A2M: variants seen among roughly 807,000 people sequenced by gnomAD.
A2M encodes the protein alpha-2-macroglobulin.
A neutral mutation model predicts 183.9 loss-of-function variants in A2M; 128 were observed. The observed-to-expected ratio is 0.70, with a 90% CI of 0.60 to 0.81. A2M has a LOEUF of 0.81. Among genes scored for constraint, A2M ranks in the 30% least tolerant of loss-of-function variants. The probability of loss-of-function intolerance (pLI) is 0.00; values close to 1 mark genes in which losing one functional copy is unlikely to be tolerated. For missense variants in A2M, 1,495 were observed against 1,787.6 expected (o/e 0.84, Z 2.95); for synonymous variants, 592 against 670.8 (o/e 0.88, Z 1.81).
chr12:9,089,808 C>T, intron 21 of A2M, 94 bp downstream of exon 21: 4 of 883,708 alleles, frequency 4.5e-6, no homozygotes, highest in Non-Finnish European at 3.2e-6. Flanking sequence ...CAGAGAGATA[C>T]ATGAGAATAA....
chr12:9,101,467 T>G lies in A2M; in HGVS notation c.1474A>C (p.Lys492Gln). 3 of 1,613,708 alleles carry G rather than the reference T, an allele frequency of 1.9e-6. No homozygotes were observed. The highest frequency in any genetic ancestry group is 2.5e-6 in the Non-Finnish European group (3 of 1,179,750). ...CTCACCAGATAATAGAAGGAGAGCT[T>G]CTTCAGCCCCAGCAGGGTGCCTCCA... ...LNGGTLLGLK[K>Q]LSFYYLIMAK... Residue 492 changes from lysine (K) to glutamine (Q), a missense_variant, in exon 12 of 36, where the codon AAG (lysine) becomes CAG (glutamine). Coordinates refer to ENST00000318602, the MANE Select transcript of A2M (RefSeq NM_000014.6).
chr12:9,085,492 A>G (rs941993508), intron 22 of A2M, among the ~76,000 whole-genome samples: 1 of 152,100 alleles, frequency 6.6e-6, no homozygotes, highest in Non-Finnish European at 1.5e-5. Context: ...GCATAACAAA[A>G]CATAGCATAA....
At chr12:9,113,590 A>G in intron 1 of A2M, 47 bp from the exon 2 acceptor site, 14 of 1,567,058 alleles carry the variant, frequency 8.9e-6, no homozygotes, top group Non-Finnish European at 1.2e-5. Context: ...GAAGAGAGGC[A>G]TTGCTATCAA....
chr12:9,109,175 G>C (rs1247215907), intron 7 of A2M, 146 bp downstream of exon 7: 2 of 613,462 alleles, frequency 3.3e-6, no homozygotes, highest in Non-Finnish European at 5.8e-6. Context: ...AGCAACAGGA[G>C]AATAACATTC....
intron 22 of A2M, among the ~76,000 whole-genome samples, chr12:9,088,458 T>G (rs1949112523): frequency 6.6e-6 from 1 of 152,056 alleles, no homozygotes; most frequent in African/African-American, 2.4e-5. Flanking sequence ...AATGTAGAAA[T>G]AAGGCTAAAT....
intron 35 of A2M, 162 bp from the exon 36 acceptor site, chr12:9,068,001 A>C (rs1277651981): frequency 2.1e-6 from 2 of 958,734 alleles, no homozygotes; most frequent in Non-Finnish European, 3.2e-6. Flanking sequence ...AATCCTATGG[A>C]CTCTCTGAGG....
chr12:9,089,867 T>A, intron 21 of A2M, 35 bp downstream of exon 21: 1 of 1,416,168 alleles, frequency 7.1e-7, no homozygotes. Flanking sequence ...ATATTATATA[T>A]TATTGTGGAC....
intron 22 of A2M, among the ~76,000 whole-genome samples, chr12:9,084,269 T>A (rs1349407375): frequency 6.6e-6 from 1 of 152,172 alleles, no homozygotes. Context: ...ATGGTATAAG[T>A]AATATAGAGC....
chr12:9,107,481 T>C (rs2137934928), intron 8 of A2M, 43 bp downstream of exon 8: 1 of 1,604,438 alleles, frequency 6.2e-7, no homozygotes, highest in East Asian at 2.2e-5. Context: ...TTTTCAACAA[T>C]GCCTTTATCG....
intron 18 of A2M, among the ~76,000 whole-genome samples, chr12:9,092,509 A>C (rs1308091730): frequency 6.6e-6 from 1 of 151,940 alleles, no homozygotes; most frequent in African/African-American, 2.4e-5. Flanking sequence ...TGCATCTGGG[A>C]GTGAAAGGGA....
intron 2 of A2M, among the ~76,000 whole-genome samples, chr12:9,112,841 T>A (rs1938844179): frequency 6.6e-6 from 1 of 152,168 alleles, no homozygotes; most frequent in Admixed American, 6.5e-5. Flanking sequence ...TATTACATGC[T>A]AAAAGGGCAT....
chr12:9,092,483 G>C (rs1259766683), intron 18 of A2M, among the ~76,000 whole-genome samples: 1 of 151,938 alleles, frequency 6.6e-6, no homozygotes, highest in African/African-American at 2.4e-5. Context: ...CCTAAGGGTT[G>C]GGCTTCTAAA....
chr12:9,093,713 G>T (rs930249668), intron 17 of A2M, 134 bp from the exon 18 acceptor site: 13 of 514,650 alleles, frequency 2.5e-5, no homozygotes, highest in Non-Finnish European at 3.9e-5. Context: ...AGGAGAGGGC[G>T]CTTGGGTCAT....
chr12:9,068,714 T>G (rs1432928977), intron 34 of A2M, 26 bp downstream of exon 34: 3 of 1,521,522 alleles, frequency 2.0e-6, no homozygotes, highest in Admixed American at 1.9e-5. Context: ...ATTAAATATT[T>G]CTACGTGAAA....
intron 22 of A2M, among the ~76,000 whole-genome samples, chr12:9,087,559 ATACATTTTT>A (rs200022517): frequency 0.019 from 2,960 of 152,226 alleles, 62 homozygotes; most frequent in Non-Finnish European, 0.028. Flanking sequence ...GACAGAAGGA[ATACATTTTT>A]TTCTTTTTGG....
intron 22 of A2M, among the ~76,000 whole-genome samples, chr12:9,087,244 G>A (rs369767491): frequency 2.0e-5 from 3 of 151,940 alleles, no homozygotes; most frequent in African/African-American, 7.3e-5. Flanking sequence ...AATTACTGAT[G>A]TCTAGTTATG....
rs1949361924 is a variant in A2M, at chr12:9,095,818, G to T, written c.1852-118C>A. The stretch of plus-strand genomic sequence containing the variant: ...CCCAGGCCGGACCGCGGACTGCAGT[G>T]GCGCAATCTCGGCTCACTGCAAGCT... On this transcript the variant is annotated intron_variant, in intron 15 of 35. Coordinates refer to ENST00000318602, the MANE Select transcript of A2M (RefSeq NM_000014.6). 3.7e-6 allele frequency: 3 copies of T among 821,254 alleles called. No homozygotes were observed. The African/African-American group carries it at 5.9e-5, about 16-fold the overall frequency. 50.9% of individuals were successfully genotyped at this position (821,254 alleles called of 1,614,324 possible).
At position 9,072,450 on chromosome 12, in the gene A2M, C is replaced by G. The variant is rs764833798; in HGVS notation, c.4012G>C (p.Glu1338Gln). 3.1e-6 allele frequency: 5 copies of G among 1,613,088 alleles called. No individual in the cohort carries two copies. In the South Asian group the frequency reaches 5.5e-5, roughly 18 times the overall value. Residue 1338 changes from glutamate (E) to glutamine (Q), a missense_variant, in exon 31 of 36, where the codon GAG becomes CAG. Transcript: ENST00000318602. The stretch of plus-strand genomic sequence containing the variant: ...TGCACTCCTAAAGCAAAGGGGAACT[C>G]TTCCTTTTCTGGGAGAATATTGTAT... ...LKYNILPEKE[E>Q]FPFALGVQTL...
At chr12:9,081,853 C>A (rs937273523) in intron 22 of A2M, among the ~76,000 whole-genome samples, 43 of 152,202 alleles carry the variant, frequency 2.8e-4, no homozygotes, top group Non-Finnish European at 2.9e-5. Flanking sequence ...CTCACAGTGA[C>A]CAGCATGTGG....
Sources: allele counts gnomAD v4.1 joint callset (sites outside exome capture counted in the v4.1 genomes callset), GRCh38; gene constraint gnomAD v4.1.1; transcripts MANE v1.5; gene names NCBI Gene and HGNC (gene_info 2026-07-23, HGNC 2026-07-21).